GALNT2: variants seen among roughly 807,000 people sequenced by gnomAD.
The protein encoded by GALNT2 is polypeptide N-acetylgalactosaminyltransferase 2.
GALNT2 carries 31 observed loss-of-function variants against 81.4 expected under a neutral mutation model. That is an observed-to-expected ratio of 0.38 (90% CI 0.29 to 0.51). The LOEUF (loss-of-function observed/expected upper bound fraction) is 0.51. GALNT2 is among the 20% of genes least tolerant of loss of function. The pLI is 0.87. For missense variants in GALNT2, 629 were observed against 765.7 expected, an observed-to-expected ratio of 0.82 and a Z score of 2.11; for synonymous variants, 303 against 287.4, an observed-to-expected ratio of 1.05 and a Z score of -0.55.
At chr1:230,159,120 C>T (rs955804881) in intron 1 of GALNT2, among the ~76,000 whole-genome samples, 8 of 152,278 alleles carry the variant, frequency 5.3e-5, no homozygotes, top group African/African-American at 1.7e-4. Context: ...ACCTGTAATC[C>T]GCAAACATTC....
In GALNT2 at chr1:230,223,315, T is replaced by C. The variant is rs951854346; in HGVS notation, c.375-12699T>C. 3.9e-5 allele frequency among the ~76,000 whole-genome samples: 6 copies of C among 152,048 alleles called. No homozygotes were observed. In the East Asian group the frequency reaches 5.8e-4, roughly 15 times the overall value. On this transcript the variant is annotated intron_variant, in intron 3 of 15. Coordinates refer to ENST00000366672, the MANE Select transcript of GALNT2 (RefSeq NM_004481.5). ...TGTTAATCTCCTACTTTATTTCACTTACTCTTGATACATTTTTGTATCTTA... is the reference window on the plus strand; with the variant it reads ...TGTTAATCTCCTACTTTATTTCACTCACTCTTGATACATTTTTGTATCTTA...
chr1:230,124,144 A>G (rs1447492899), intron 1 of GALNT2, among the ~76,000 whole-genome samples: 4 of 152,252 alleles, frequency 2.6e-5, no homozygotes, highest in African/African-American at 7.2e-5. Context: ...CATTAGATCT[A>G]TACAATGTCA....
chr1:230,125,283 G>C lies in GALNT2; in HGVS notation c.127-52935G>C, dbSNP rs1297188267. 2.6e-5 allele frequency among the ~76,000 whole-genome samples: 4 copies of C among 152,322 alleles called. No homozygotes were observed. In the East Asian group the frequency reaches 5.8e-4, roughly 22 times the overall value. On this transcript the variant is annotated intron_variant, in intron 1 of 15. Transcript: ENST00000366672. ...TCAGAGTAACAGAGATGGGACTAAG[G>C]AAGTTGTACAGGCCAGAGAAGGGAG... is the stretch of plus-strand genomic sequence containing the variant.
intron 1 of GALNT2, among the ~76,000 whole-genome samples, chr1:230,059,515 A>G (rs559272554): frequency 6.6e-6 from 1 of 152,338 alleles, no homozygotes; most frequent in African/African-American, 2.4e-5. Context: ...AAGAAAGACA[A>G]GGAGCGGGTG....
intron 15 of GALNT2, among the ~76,000 whole-genome samples, chr1:230,278,947 C>G (rs552120317): frequency 6.6e-6 from 1 of 152,316 alleles, no homozygotes; most frequent in East Asian, 1.9e-4. Context: ...CTGGATCAAG[C>G]TTTCATACGA....
chr1:230,174,314 C>T (rs1572049262), intron 1 of GALNT2, among the ~76,000 whole-genome samples: 1 of 152,212 alleles, frequency 6.6e-6, no homozygotes, highest in African/African-American at 2.4e-5. Context: ...TCTCCTCTCC[C>T]CTGCACTGAC....
intron 3 of GALNT2, among the ~76,000 whole-genome samples, chr1:230,221,185 T>C (rs575327131): frequency 6.6e-6 from 1 of 152,300 alleles, no homozygotes; most frequent in African/African-American, 2.4e-5. Flanking sequence ...TTTTTTTCAT[T>C]CAGTAATACA....
At chr1:230,260,576 T>C (rs1372606157) in intron 11 of GALNT2, among the ~76,000 whole-genome samples, 1 of 152,234 alleles carries the variant, frequency 6.6e-6, no homozygotes, top group Non-Finnish European at 1.5e-5. Flanking sequence ...AATCAAATCC[T>C]TTCATGTCCC....
At chr1:230,233,923 A>C (rs1427516833) in intron 3 of GALNT2, among the ~76,000 whole-genome samples, 1 of 152,080 alleles carries the variant, frequency 6.6e-6, no homozygotes, top group African/African-American at 2.4e-5. Flanking sequence ...TTAGGATGGA[A>C]ATGCAGACAA....
At chr1:230,130,828 A>G (rs758822656) in intron 1 of GALNT2, among the ~76,000 whole-genome samples, 18 of 152,158 alleles carry the variant, frequency 1.2e-4, no homozygotes, top group Non-Finnish European at 2.1e-4. Context: ...CGAAGCTGCA[A>G]ACTGGGTCGG....
chr1:230,091,788 C>T (rs1333072237), intron 1 of GALNT2: 1 of 152,430 alleles, frequency 6.6e-6, no homozygotes, highest in Admixed American at 6.5e-5. Flanking sequence ...CAGCACTGGC[C>T]AGCCAGCCTC....
chr1:230,104,254 C>T (rs1660478079), intron 1 of GALNT2, among the ~76,000 whole-genome samples: 1 of 152,136 alleles, frequency 6.6e-6, no homozygotes, highest in Non-Finnish European at 1.5e-5. Context: ...CGAACAGGGT[C>T]TCTCCTCCTT....
At chr1:230,212,920 T>C (rs936076768) in intron 3 of GALNT2, among the ~76,000 whole-genome samples, 3 of 152,172 alleles carry the variant, frequency 2.0e-5, no homozygotes, top group Non-Finnish European at 4.4e-5. Flanking sequence ...ATAAGTAGAC[T>C]GTATTGATTT....
At chr1:230,095,510 G>A (rs764787749) in intron 1 of GALNT2, among the ~76,000 whole-genome samples, 6 of 152,122 alleles carry the variant, frequency 3.9e-5, no homozygotes, top group Non-Finnish European at 5.9e-5. Context: ...GCTCTGTGAC[G>A]AGCCCCAGTA....
At chr1:230,259,945 A>G (rs1023855667) in intron 11 of GALNT2, among the ~76,000 whole-genome samples, 3 of 152,196 alleles carry the variant, frequency 2.0e-5, no homozygotes, top group African/African-American at 4.8e-5. Flanking sequence ...TTAAAGTTAA[A>G]CTATAAACTA....
intron 1 of GALNT2, among the ~76,000 whole-genome samples, chr1:230,129,876 A>G (rs1661311360): frequency 6.6e-6 from 1 of 152,180 alleles, no homozygotes; most frequent in Admixed American, 6.5e-5. Flanking sequence ...ATCTGAAAGG[A>G]CCACAGGTTG....
At chr1:230,208,962 C>A (rs1209146671) in intron 3 of GALNT2, among the ~76,000 whole-genome samples, 1 of 151,952 alleles carries the variant, frequency 6.6e-6, no homozygotes, top group African/African-American at 2.4e-5. Flanking sequence ...GTTGGTCTGG[C>A]ACATTGAAGA....
intron 1 of GALNT2, among the ~76,000 whole-genome samples, chr1:230,067,974 C>G (rs548927750): frequency 1.3e-5 from 2 of 152,124 alleles, no homozygotes; most frequent in Non-Finnish European, 2.9e-5. Context: ...AAGTAAAGCC[C>G]CAGGGCCCGT....
chr1:230,203,028 A>G (rs1182949778), intron 2 of GALNT2, 109 bp from the exon 3 acceptor site: 2 of 1,236,764 alleles, frequency 1.6e-6, no homozygotes, highest in East Asian at 2.4e-5. Flanking sequence ...TGGCCACTAT[A>G]TAAAGAAGCC....
Sources: allele counts gnomAD v4.1 joint callset (sites outside exome capture counted in the v4.1 genomes callset), GRCh38; gene constraint gnomAD v4.1.1; transcripts MANE v1.5; gene names NCBI Gene and HGNC (gene_info 2026-07-23, HGNC 2026-07-21).